DMXL2: variants seen among roughly 807,000 people sequenced by gnomAD.
The protein encoded by DMXL2 is dmX-like protein 2.
A neutral mutation model predicts 331.1 loss-of-function variants in DMXL2; 103 were observed. The ratio of observed to expected loss-of-function variants is 0.31; its 90% CI spans 0.27 to 0.37. The LOEUF (loss-of-function observed/expected upper bound fraction) is 0.37. DMXL2 is among the 10% of genes least tolerant of loss of function. The probability of loss-of-function intolerance (pLI) is 1.00; values close to 1 mark genes in which losing one functional copy is unlikely to be tolerated. For missense variants in DMXL2, 3,171 were observed against 3,642.9 expected (o/e 0.87, Z 3.33); for synonymous variants, 1,281 against 1,252.1 (o/e 1.02, Z -0.49).
At position 51,463,494 on chromosome 15, in the gene DMXL2, G is replaced by A; in HGVS notation, c.7811C>T (p.Ser2604Phe). 6.4e-7 allele frequency: 1 copy of A among 1,559,894 alleles called. No homozygotes were observed. Among genetic ancestry groups the A allele is most frequent in the Non-Finnish European group, 8.6e-7 (1 of 1,158,082 alleles). Residue 2604 changes from serine (S) to phenylalanine (F), a missense_variant and splice_region_variant, in exon 33 of 44, where the codon TCC becomes TTC. By Grantham distance (155) the Ser-to-Phe change is radical. Transcript: ENST00000560891. ...MLEPENTPFK[S>F]RDSSAFPVKR... ...GACTGGAAATGCAGAAGAATCCCGG[G>A]ACCTATTAAAAAAAATTAACATATC...
intron 6 of DMXL2, among the ~76,000 whole-genome samples, chr15:51,551,293 A>G (rs1279150193): frequency 6.6e-6 from 1 of 152,184 alleles, no homozygotes; most frequent in Admixed American, 6.6e-5. Flanking sequence ...AAGAATTATG[A>G]AACACTTAAC....
At position 51,481,153 on chromosome 15, in the gene DMXL2, C is replaced by T. The variant is rs754695600; in HGVS notation, c.5953G>A (p.Ala1985Thr). 2.5e-6 allele frequency: 4 copies of T among 1,612,908 alleles called. 1 individual carries two copies. The highest frequency in any genetic ancestry group is 3.3e-5 in the Admixed American group (2 of 59,906). The change falls in exon 24 of 44, where the codon GCC becomes ACC. Residue 1985 changes from alanine (A) to threonine (T), a missense_variant. Transcript: ENST00000560891. ...GCATCGTCTTCCTCTTCATCTAAGG[C>T]ACTGTCGTGATCTTCACCCCAATCA... ...NLDWGEDHDS[A>T]LDEEEDDAVG... is the part of the protein sequence containing the mutation.
chr15:51,468,993 A>G (rs1340156023), intron 29 of DMXL2, among the ~76,000 whole-genome samples: 1 of 152,132 alleles, frequency 6.6e-6, no homozygotes, highest in Non-Finnish European at 1.5e-5. Flanking sequence ...TGGAGCCTAT[A>G]GATTAAAAGA....
At chr15:51,454,881 A>G (rs1008902673) in intron 40 of DMXL2, among the ~76,000 whole-genome samples, 2 of 152,176 alleles carry the variant, frequency 1.3e-5, no homozygotes, top group Admixed American at 1.3e-4. Flanking sequence ...ATAATAATGA[A>G]AAAAAACCCA....
intron 2 of DMXL2, among the ~76,000 whole-genome samples, chr15:51,574,854 T>C (rs1396139007): frequency 6.6e-6 from 1 of 152,248 alleles, no homozygotes. Flanking sequence ...TGTGTGTTCA[T>C]TGCGATTATC....
intron 1 of DMXL2, among the ~76,000 whole-genome samples, chr15:51,589,653 T>C (rs778139781): frequency 6.6e-6 from 1 of 152,226 alleles, no homozygotes; most frequent in Non-Finnish European, 1.5e-5. Context: ...ACCCAGAATA[T>C]GTGATTGCAA....
chr15:51,493,522 C>T (rs2042951433), intron 19 of DMXL2, among the ~76,000 whole-genome samples: 1 of 152,156 alleles, frequency 6.6e-6, no homozygotes, highest in Non-Finnish European at 1.5e-5. Flanking sequence ...CAATGGCAGG[C>T]TATTCTCTGC....
intron 30 of DMXL2, 25 bp downstream of exon 30, chr15:51,466,159 T>A: frequency 6.6e-7 from 1 of 1,505,024 alleles, no homozygotes; most frequent in Non-Finnish European, 8.9e-7. Context: ...AAAAAAAAAA[T>A]GAGAGAAAGA....
chr15:51,485,182 A>G (rs1376246124), intron 23 of DMXL2, among the ~76,000 whole-genome samples: 1 of 152,204 alleles, frequency 6.6e-6, no homozygotes, highest in Non-Finnish European at 1.5e-5. Context: ...AGGAAAACAC[A>G]TTTAATAAAG....
At position 51,597,745 on chromosome 15, in the gene DMXL2, T is replaced by C. The variant is rs1030001828; in HGVS notation, c.88-21564A>G. On this transcript the variant is annotated intron_variant, in intron 1 of 43. Transcript: ENST00000560891. ...TTTCCAAAATAGTTGTACCAATTTA[T>C]ACTGTCACTAGCAGTGCATGAGAAT... Among the ~76,000 whole-genome samples, 3 of 152,232 alleles carry C rather than the reference T, an allele frequency of 2.0e-5. No homozygotes were observed. The East Asian group carries it at 5.8e-4, about 29-fold the overall frequency.
chr15:51,591,221 G>A (rs2052296289), intron 1 of DMXL2, among the ~76,000 whole-genome samples: 1 of 152,174 alleles, frequency 6.6e-6, no homozygotes, highest in Admixed American at 6.5e-5. Context: ...GGAAAATCGG[G>A]TCACTCCCAC....
intron 34 of DMXL2, 88 bp downstream of exon 34, chr15:51,459,510 T>C (rs1338182240): frequency 2.8e-5 from 31 of 1,112,214 alleles, no homozygotes; most frequent in Non-Finnish European, 3.7e-5. Context: ...AGTTAGCCAG[T>C]TGGGCAGGTC....
intron 23 of DMXL2, 108 bp downstream of exon 23, chr15:51,485,965 G>A: frequency 8.2e-7 from 1 of 1,222,188 alleles, no homozygotes. Flanking sequence ...AATTCTCAAA[G>A]TTGAAAAGCA....
At position 51,450,903 on chromosome 15, in the gene DMXL2, T is replaced by G. The variant is rs565659121; in HGVS notation, c.8750-557A>C. Reference sequence around the variant, plus strand: ...TTCTGCAATAAAATTGAGAATTAACTACATATTTCAAAATGCATATCAGTG... The same window carrying G: ...TTCTGCAATAAAATTGAGAATTAACGACATATTTCAAAATGCATATCAGTG... On this transcript the variant is annotated intron_variant, in intron 42 of 43. Coordinates refer to ENST00000560891, the MANE Select transcript of DMXL2 (RefSeq NM_001378457.1). Among the ~76,000 whole-genome samples the G allele has an allele frequency of 3.3e-5, 5 of 152,044 alleles. No individual in the cohort carries two copies. In the East Asian group the frequency reaches 9.6e-4, roughly 29 times the overall value.
At chr15:51,501,052 A>C (rs2140497893) in intron 17 of DMXL2, among the ~76,000 whole-genome samples, 1 of 152,306 alleles carries the variant, frequency 6.6e-6, no homozygotes, top group East Asian at 1.9e-4. Flanking sequence ...TGTAAAATAT[A>C]ATTTATTATC....
chr15:51,583,121 C>CTTTT (rs1171970352), intron 1 of DMXL2, among the ~76,000 whole-genome samples: 1 of 34,882 alleles, frequency 2.9e-5, no homozygotes, highest in Non-Finnish European at 6.5e-5. Context: ...TTTTTTTTTT[C>CTTTT]TTTTTTTTTT....
intron 1 of DMXL2, among the ~76,000 whole-genome samples, chr15:51,610,691 C>T (rs1437071275): frequency 6.6e-6 from 1 of 151,838 alleles, no homozygotes; most frequent in Non-Finnish European, 1.5e-5. Context: ...TGGCATGAAC[C>T]CAGGAGACAG....
chr15:51,452,844 A>C (rs760217968), intron 41 of DMXL2, among the ~76,000 whole-genome samples: 14 of 152,218 alleles, frequency 9.2e-5, no homozygotes, highest in Non-Finnish European at 1.9e-4. Flanking sequence ...AACCAACCTA[A>C]ATGTCCATCA....
chr15:51,558,911 T>C (rs1421292976), intron 6 of DMXL2, among the ~76,000 whole-genome samples: 2 of 152,242 alleles, frequency 1.3e-5, no homozygotes, highest in Non-Finnish European at 2.9e-5. Context: ...TTTTAATATC[T>C]TGAAGCTGTA....
Sources: allele counts gnomAD v4.1 joint callset (sites outside exome capture counted in the v4.1 genomes callset), GRCh38; gene constraint gnomAD v4.1.1; transcripts MANE v1.5; gene names NCBI Gene and HGNC (gene_info 2026-07-23, HGNC 2026-07-21).